RBFA: variants seen among roughly 807,000 people sequenced by gnomAD.
The protein encoded by RBFA is putative ribosome-binding factor A, mitochondrial.
Under a neutral mutation model 27.9 loss-of-function variants are expected in RBFA, and 16 were observed. The observed-to-expected ratio is 0.57, with a 90% confidence interval of 0.39 to 0.87. The LOEUF (loss-of-function observed/expected upper bound fraction) is 0.87, where lower values mean the gene tolerates loss of function less well. RBFA is among the 40% of genes least tolerant of loss of function. RBFA has a pLI of 0.00. For synonymous variants in RBFA, 181 were observed against 181.0 expected, an observed-to-expected ratio of 1.00 and a Z score of 0.00; for missense variants, 456 against 432.1, an observed-to-expected ratio of 1.06 and a Z score of -0.49.
intron 3 of RBFA, 32 bp from the exon 4 acceptor site, chr18:80,038,473 A>G (rs749859518): frequency 6.8e-7 from 1 of 1,478,812 alleles, no homozygotes; most frequent in South Asian, 1.2e-5. Context: ...CATGTAAGCT[A>G]AAAAGTGACC....
chr18:80,043,516 CTCTG>C (rs898143768), intron 5 of RBFA, among the ~76,000 whole-genome samples: 15 of 152,236 alleles, frequency 9.9e-5, no homozygotes, highest in African/African-American at 3.1e-4. Flanking sequence ...GTGCCAGTCT[CTCTG>C]TCTGAGCTCA....
At position 80,034,485 on chromosome 18, in the gene RBFA, G is replaced by C. The variant is rs769621139; in HGVS notation, c.-11G>C. 2.0e-6 allele frequency: 3 copies of C among 1,520,974 alleles called. No individual in the cohort carries two copies. Among genetic ancestry groups the C allele is most frequent in the South Asian group, 2.5e-5 (2 of 79,930 alleles). The allele number at this position is 1,520,974 out of a possible 1,614,324, so 94.2% of individuals were successfully genotyped here. ...TGTCTCCCTGCTCGCTCCGGGTCCCGGCGCCGCGCCATGTGGGCTGCGGCG... is the reference window on the plus strand; with the variant it reads ...TGTCTCCCTGCTCGCTCCGGGTCCCCGCGCCGCGCCATGTGGGCTGCGGCG... On this transcript the variant is annotated 5_prime_UTR_variant, in exon 1 of 7. Transcript: ENST00000306735.
rs745785446 is a variant in RBFA at position 80,045,954 on chromosome 18, G to A, written c.831G>A (p.Lys277=). 1.2e-6 allele frequency: 2 copies of A among 1,613,976 alleles called. No individual in the cohort carries two copies. The highest frequency in any genetic ancestry group is 2.7e-5 in the African/African-American group (2 of 74,898). The change falls in exon 7 of 7, where the codon AAG becomes AAA. Residue 277 remains lysine, a synonymous_variant. Coordinates refer to ENST00000306735, the MANE Select transcript of RBFA (RefSeq NM_024805.3). ...CTGAGCTGACAACGCAGATGAAAAA[G>A]GGAAGGAAGAGGGCCAAGCCCCGCC... ...QVAELTTQMK[K]GRKRAKPRLE...
intron 4 of RBFA, among the ~76,000 whole-genome samples, chr18:80,040,436 T>G (rs551837360): frequency 6.6e-6 from 1 of 152,054 alleles, no homozygotes; most frequent in South Asian, 2.1e-4. Flanking sequence ...TTTGTAGAGA[T>G]AGGATCTCTC....
intron 4 of RBFA, chr18:80,041,324 T>C (rs1478684210): frequency 6.6e-6 from 1 of 152,260 alleles, no homozygotes; most frequent in Admixed American, 6.5e-5. Flanking sequence ...GTCACCGTTT[T>C]CCATAGCTGT....
intron 6 of RBFA, among the ~76,000 whole-genome samples, chr18:80,044,584 A>G (rs566844252): frequency 1.3e-5 from 2 of 152,348 alleles, no homozygotes; most frequent in East Asian, 3.9e-4. Context: ...CTGTGTGCCA[A>G]GCCCTGGTCA....
chr18:80,046,086 G>A lies in RBFA; in HGVS notation c.963G>A (p.Glu321=), dbSNP rs1399329753. 3.1e-6 allele frequency: 5 copies of A among 1,614,192 alleles called. No individual in the cohort carries two copies. The highest frequency in any genetic ancestry group is 4.2e-6 in the Non-Finnish European group (5 of 1,180,048). The part of the protein sequence containing the change: ...PEYECYAPDT[E]ELEAERGGGR... Reference sequence around the variant, plus strand: ...ACGAATGCTATGCCCCGGACACAGAGGAGTTGGAGGCAGAGAGAGGAGGTG... The same window carrying A: ...ACGAATGCTATGCCCCGGACACAGAAGAGTTGGAGGCAGAGAGAGGAGGTG... Residue 321 remains glutamate (E), a synonymous_variant, in exon 7 of 7, where the codon GAG becomes GAA. Transcript: ENST00000306735.
intron 1 of RBFA, 85 bp downstream of exon 1, chr18:80,034,738 C>T (rs2051963981): frequency 6.4e-7 from 1 of 1,557,836 alleles, no homozygotes; most frequent in Non-Finnish European, 8.7e-7. Context: ...CATCCGCGTT[C>T]TTGCGCCCAT....
intron 1 of RBFA, 25 bp from the exon 2 acceptor site, chr18:80,036,643 C>T (rs747640687): frequency 8.1e-6 from 13 of 1,599,262 alleles, no homozygotes; most frequent in Non-Finnish European, 9.4e-6. Flanking sequence ...CCATCACTAA[C>T]ATAATGCTTA....
intron 5 of RBFA, among the ~76,000 whole-genome samples, chr18:80,042,480 A>T (rs2052022952): frequency 6.6e-6 from 1 of 152,050 alleles, no homozygotes; most frequent in Admixed American, 6.6e-5. Context: ...ACAGTTAAAA[A>T]AGAGAAGAGG....
intron 5 of RBFA, among the ~76,000 whole-genome samples, chr18:80,043,534 C>T (rs1027946620): frequency 6.6e-6 from 1 of 152,228 alleles, no homozygotes; most frequent in Non-Finnish European, 1.5e-5. Flanking sequence ...GAGCTCAGCA[C>T]TCCAGGCTCC....
chr18:80,045,401 A>C (rs185016063), intron 6 of RBFA, among the ~76,000 whole-genome samples: 11 of 151,854 alleles, frequency 7.2e-5, no homozygotes, highest in Admixed American at 3.3e-4. Flanking sequence ...TAATTTTTGT[A>C]TTTTTAGTAG....
intron 1 of RBFA, chr18:80,036,126 T>G (rs1205291252): frequency 6.6e-6 from 1 of 152,338 alleles, no homozygotes; most frequent in East Asian, 1.9e-4. Context: ...AAAGGATATA[T>G]GTGTTTCTAC....
Position 80,048,944 on chromosome 18 carries a change from C to CAG in RBFA, c.*2789_*2790insAG, listed in dbSNP as rs2052076728. 6.8e-6 allele frequency among the ~76,000 whole-genome samples: 1 copy of CAG among 147,634 alleles called. No homozygotes were observed. Among genetic ancestry groups the CAG allele is most frequent in the African/African-American group, 2.5e-5 (1 of 40,076 alleles). ...GTTTGCAGGGGATCCAACCAGGCGT[C>CAG]TGCTCAGTGCCTCCTAGAAAGTGGA... On this transcript the variant is annotated 3_prime_UTR_variant, in exon 7 of 7. Coordinates refer to ENST00000306735, the MANE Select transcript of RBFA (RefSeq NM_024805.3).
chr18:80,042,297 C>T (rs66538525), intron 5 of RBFA, 78 bp downstream of exon 5: 443,742 of 916,592 alleles, frequency 0.48, 112,348 homozygotes, highest in East Asian at 0.76. Flanking sequence ...GCTATATTGT[C>T]CAGGCTAGTC....
At position 80,045,942 on chromosome 18, in the gene RBFA, G is replaced by A. The variant is rs375241913; in HGVS notation, c.819G>A (p.Thr273=). 4.1e-5 allele frequency: 66 copies of A among 1,613,854 alleles called. No individual in the cohort carries two copies. The highest frequency in any genetic ancestry group is 5.2e-5 in the Non-Finnish European group (61 of 1,179,958). The change falls in exon 7 of 7, where the codon ACG becomes ACA. Residue 273 remains threonine, a synonymous_variant. Coordinates refer to ENST00000306735, the MANE Select transcript of RBFA (RefSeq NM_024805.3). ...AGGGGCAGGTGGCTGAGCTGACAAC[G>A]CAGATGAAAAAGGGAAGGAAGAGGG... The part of the protein sequence containing the change: ...VWQGQVAELT[T]QMKKGRKRAK...
Position 80,042,206 on chromosome 18 carries a change from C to G in RBFA, c.563C>G (p.Ala188Gly). The G allele has an allele frequency of 6.2e-7, 1 of 1,604,882 alleles. No individual in the cohort carries two copies. The highest frequency in any genetic ancestry group is 8.5e-7 in the Non-Finnish European group (1 of 1,174,972). ...GTGTTTGTTCAAGACAAGGGAAATG[C>G]AGCTCTAGCTGAGGTAAGGTTTTCA... ...PIVFVQDKGN[A>G]ALAELDQLLA... The change falls in exon 5 of 7, where the codon GCA (alanine) becomes GGA (glycine). Residue 188 changes from alanine (A) to glycine (G), a missense_variant. Coordinates refer to ENST00000306735, the MANE Select transcript of RBFA (RefSeq NM_024805.3).
At position 80,046,135 on chromosome 18, in the gene RBFA, T is replaced by C; in HGVS notation, c.1012T>C (p.Cys338Arg). The part of the protein sequence containing the change: ...GGGRTEDGHS[C>R]GASRE ...TGGCAGAACAGAGGATGGCCACAGC[T>C]GCGGAGCAAGCAGGGAGTAGATGGA... Residue 338 changes from cysteine to arginine, a missense_variant, in exon 7 of 7, where the codon TGC becomes CGC. Physicochemically the swap from Cys to Arg is radical, Grantham distance 180. Coordinates refer to ENST00000306735, the MANE Select transcript of RBFA (RefSeq NM_024805.3). The C allele has an allele frequency of 1.2e-6, 2 of 1,613,968 alleles. No homozygotes were observed. The highest frequency in any genetic ancestry group is 8.5e-7 in the Non-Finnish European group (1 of 1,179,952).
At chr18:80,036,417 CCTCT>C (rs1390202329) in intron 1 of RBFA, among the ~76,000 whole-genome samples, 1 of 152,122 alleles carries the variant, frequency 6.6e-6, no homozygotes, top group African/African-American at 2.4e-5. Flanking sequence ...TTTTTAAGAT[CCTCT>C]CTCTAACCTT....
Sources: allele counts gnomAD v4.1 joint callset (sites outside exome capture counted in the v4.1 genomes callset), GRCh38; gene constraint gnomAD v4.1.1; transcripts MANE v1.5; gene names NCBI Gene and HGNC (gene_info 2026-07-23, HGNC 2026-07-21).